Variants in ATOSA observed in about 807,000 individuals in gnomAD.
ATOSA encodes atos homolog protein A.
At chr15:52,602,722 T>G in the ATOSA span, among the ~76,000 whole-genome samples, 1 of 152,148 alleles carries the variant, frequency 6.6e-6, no homozygotes, top group Non-Finnish European at 1.5e-5. Flanking sequence ...CCCGAGTAAA[T>G]AGATGGATAC....
the ATOSA span, among the ~76,000 whole-genome samples, chr15:52,636,160 A>AAAAT: frequency 1.6e-4 from 23 of 147,710 alleles, no homozygotes; most frequent in Admixed American, 1.5e-3. Context: ...ATAAATAATA[A>AAAAT]AAATAAATAA....
the ATOSA span, among the ~76,000 whole-genome samples, chr15:52,693,561 C>T: frequency 6.6e-6 from 1 of 151,968 alleles, no homozygotes; most frequent in African/African-American, 2.4e-5. Context: ...GGATAGAGGT[C>T]CATTCACAAA....
At chr15:52,698,753 C>T in the ATOSA span, among the ~76,000 whole-genome samples, 41 of 152,246 alleles carry the variant, frequency 2.7e-4, no homozygotes, top group Non-Finnish European at 5.6e-4. Context: ...GCATGCGGTA[C>T]AGAAAATGTT....
the ATOSA span, chr15:52,585,181 T>C: frequency 6.0e-6 from 2 of 334,366 alleles, no homozygotes; most frequent in Non-Finnish European, 1.1e-5. Context: ...ATCAAAATCT[T>C]TAGTCACAAA....
the ATOSA span, chr15:52,613,527 G>T: frequency 1.1e-6 from 1 of 933,262 alleles, no homozygotes; most frequent in Non-Finnish European, 1.6e-6. Flanking sequence ...TATTAGCTAT[G>T]GTCCAGGATT....
the ATOSA span, among the ~76,000 whole-genome samples, chr15:52,605,616 T>C: frequency 6.6e-6 from 1 of 152,162 alleles, no homozygotes; most frequent in African/African-American, 2.4e-5. Flanking sequence ...ATCTACATCT[T>C]ATGTTTACAC....
the ATOSA span, chr15:52,677,972 G>A: frequency 6.2e-7 from 1 of 1,613,756 alleles, no homozygotes; most frequent in Non-Finnish European, 8.5e-7. Context: ...AGAAGGGGGT[G>A]GGGGAACAAG....
At chr15:52,616,563 G>A in the ATOSA span, among the ~76,000 whole-genome samples, 8 of 152,102 alleles carry the variant, frequency 5.3e-5, no homozygotes, top group African/African-American at 1.9e-4. Flanking sequence ...GGGAGACCCT[G>A]TCTTTATTTA....
chr15:52,646,548 G>C, the ATOSA span, among the ~76,000 whole-genome samples: 1 of 152,124 alleles, frequency 6.6e-6, no homozygotes, highest in Non-Finnish European at 1.5e-5. Context: ...AGTCCACAAA[G>C]GGATACTGGG....
At chr15:52,708,434 T>C in the ATOSA span, among the ~76,000 whole-genome samples, 1 of 152,116 alleles carries the variant, frequency 6.6e-6, no homozygotes, top group African/African-American at 2.4e-5. Flanking sequence ...GCTTGTGTGA[T>C]TTATGAAGAT....
At chr15:52,694,117 G>T in the ATOSA span, among the ~76,000 whole-genome samples, 1 of 151,210 alleles carries the variant, frequency 6.6e-6, no homozygotes, top group Non-Finnish European at 1.5e-5. Flanking sequence ...TAATCCCTCA[G>T]CTGAGTATGT....
the ATOSA span, among the ~76,000 whole-genome samples, chr15:52,668,721 A>C: frequency 1.3e-5 from 2 of 152,216 alleles, no homozygotes. Flanking sequence ...AGTTTGAAAT[A>C]AACAAAAAGG....
the ATOSA span, among the ~76,000 whole-genome samples, chr15:52,644,822 A>G: frequency 6.6e-6 from 1 of 152,220 alleles, no homozygotes; most frequent in Non-Finnish European, 1.5e-5. Flanking sequence ...AAAGGGGAGA[A>G]CACTTTGAGT....
the ATOSA span, chr15:52,600,164 G>T: frequency 6.2e-7 from 1 of 1,610,148 alleles, no homozygotes. Context: ...TGTTATAGGT[G>T]GAGCACTAGA....
chr15:52,626,569 G>T, the ATOSA span, among the ~76,000 whole-genome samples: 18 of 151,486 alleles, frequency 1.2e-4, no homozygotes, highest in East Asian at 9.7e-4. Context: ...CCAAGAGTTG[G>T]TTTTTTTGTG....
the ATOSA span, among the ~76,000 whole-genome samples, chr15:52,612,580 C>G: frequency 6.7e-6 from 1 of 148,430 alleles, no homozygotes; most frequent in Non-Finnish European, 1.5e-5. Flanking sequence ...TCTTGGCTCA[C>G]TGCAACCTCT....
At chr15:52,622,504 C>T in the ATOSA span, among the ~76,000 whole-genome samples, 1 of 152,112 alleles carries the variant, frequency 6.6e-6, no homozygotes, top group Non-Finnish European at 1.5e-5. Context: ...GACACTGGGG[C>T]TTGGAGCTTA....
chr15:52,609,605 G>T, the ATOSA span: 5 of 1,612,792 alleles, frequency 3.1e-6, no homozygotes, highest in Non-Finnish European at 4.2e-6. Flanking sequence ...GTGTCTTCTG[G>T]GGAACTAAAC....
the ATOSA span, chr15:52,593,510 A>G: frequency 7.0e-7 from 1 of 1,426,314 alleles, no homozygotes; most frequent in Non-Finnish European, 9.5e-7. Context: ...GTACTGCATC[A>G]AAGCACTTAA....
Sources: gnomAD v4.1 joint callset for allele counts (sites outside exome capture counted in the v4.1 genomes callset) on GRCh38, gnomAD v4.1.1 for gene constraint, MANE v1.5 for transcripts, NCBI Gene and HGNC (gene_info 2026-07-23, HGNC 2026-07-21) for gene names.